MPP7: variants seen among roughly 807,000 people sequenced by gnomAD.
The protein encoded by MPP7 is MAGUK p55 subfamily member 7.
Under a neutral mutation model 76.5 loss-of-function variants are expected in MPP7, and 60 were observed. The observed-to-expected ratio is 0.78, with a 90% CI of 0.64 to 0.97. The LOEUF is 0.97. MPP7 is among the 50% of genes least tolerant of loss of function. The pLI is 0.00. For missense variants in MPP7, 641 were observed against 694.0 expected (o/e 0.92, Z 0.86); for synonymous variants, 237 against 244.5 (o/e 0.97, Z 0.29).
At chr10:28,280,191 G>C (rs904347498) in intron 1 of MPP7, 8 of 152,134 alleles carry the variant, frequency 5.3e-5, no homozygotes, top group African/African-American at 1.9e-4. Context: ...CTCTAGATTT[G>C]TTTTAGGAAC....
chr10:28,210,820 T>A (rs938750975), intron 2 of MPP7, among the ~76,000 whole-genome samples: 2 of 152,220 alleles, frequency 1.3e-5, no homozygotes, highest in Non-Finnish European at 2.9e-5. Context: ...AATACCTCAC[T>A]CTGTGAGCCG....
chr10:28,309,493 C>G (rs1221775764), intron 2 of MPP7, among the ~76,000 whole-genome samples: 1 of 152,098 alleles, frequency 6.6e-6, no homozygotes, highest in Admixed American at 6.5e-5. Context: ...ATTCCTTCTC[C>G]CAGTTCCTAC....
At chr10:28,165,947 C>T (rs1736826916) in intron 3 of MPP7, among the ~76,000 whole-genome samples, 1 of 151,250 alleles carries the variant, frequency 6.6e-6, no homozygotes, top group Admixed American at 6.6e-5. Context: ...ATCGCTTGAA[C>T]TCCAGAGGCA....
intron 1 of MPP7, among the ~76,000 whole-genome samples, chr10:28,265,729 T>C (rs1055512219): frequency 1.3e-5 from 2 of 152,196 alleles, no homozygotes; most frequent in Non-Finnish European, 2.9e-5. Flanking sequence ...TTTTTTAACT[T>C]TATCGAGTTA....
chr10:28,272,242 CAA>C (rs1295853265), intron 1 of MPP7, among the ~76,000 whole-genome samples: 2 of 152,108 alleles, frequency 1.3e-5, no homozygotes, highest in African/African-American at 4.8e-5. Context: ...TGACTTAGAT[CAA>C]AGTTTCTTCC....
intron 1 of MPP7, among the ~76,000 whole-genome samples, chr10:28,277,002 G>C (rs1048371249): frequency 1.1e-4 from 16 of 151,860 alleles, no homozygotes; most frequent in Non-Finnish European, 1.8e-4. Context: ...AGACCAGCTT[G>C]GACAACATAG....
intron 5 of MPP7, among the ~76,000 whole-genome samples, chr10:28,140,207 A>G (rs1835470201): frequency 6.6e-6 from 1 of 152,200 alleles, no homozygotes; most frequent in African/African-American, 2.4e-5. Context: ...CTAATCAAAG[A>G]TAGATATAAA....
At chr10:28,235,335 G>A (rs76857116) in intron 2 of MPP7, among the ~76,000 whole-genome samples, 3,146 of 129,824 alleles carry the variant, frequency 0.024, 116 homozygotes, top group African/African-American at 0.074. Flanking sequence ...CTAATAACAG[G>A]GGAAACTAAG....
chr10:28,157,378 G>A (rs1836102175), intron 3 of MPP7, among the ~76,000 whole-genome samples: 1 of 152,184 alleles, frequency 6.6e-6, no homozygotes, highest in South Asian at 2.1e-4. Flanking sequence ...AATTAATAAG[G>A]AAGCTCACAT....
intron 8 of MPP7, 115 bp downstream of exon 8, chr10:28,123,916 C>A: frequency 1.4e-6 from 1 of 690,530 alleles, no homozygotes. Context: ...ATTAAGTGTT[C>A]GAACCCTGCA....
chr10:28,331,100 T>C (rs1834466397), intron 1 of MPP7, among the ~76,000 whole-genome samples: 1 of 152,256 alleles, frequency 6.6e-6, no homozygotes, highest in Non-Finnish European at 1.5e-5. Context: ...GAGTCATATC[T>C]ACTTTGTTCA....
At chr10:28,168,462 T>A (rs979843513) in intron 3 of MPP7, among the ~76,000 whole-genome samples, 2 of 152,170 alleles carry the variant, frequency 1.3e-5, no homozygotes, top group Middle Eastern at 6.3e-3. Context: ...AGCTTTAATG[T>A]GGTAAAATTT....
chr10:28,095,033 T>C (rs1027281542), intron 11 of MPP7, among the ~76,000 whole-genome samples: 3 of 152,032 alleles, frequency 2.0e-5, no homozygotes, highest in Non-Finnish European at 2.9e-5. Flanking sequence ...TTTGTCTTCA[T>C]AGATTCTCTT....
chr10:28,242,723 A>G (rs1839310405), intron 1 of MPP7, among the ~76,000 whole-genome samples: 1 of 152,234 alleles, frequency 6.6e-6, no homozygotes, highest in African/African-American at 2.4e-5. Flanking sequence ...CAATGGTCAC[A>G]GTTGGTAAAA....
At chr10:28,279,571 G>A (rs758695533) in intron 1 of MPP7, among the ~76,000 whole-genome samples, 9 of 151,868 alleles carry the variant, frequency 5.9e-5, no homozygotes, top group Admixed American at 6.6e-5. Flanking sequence ...TGGGCATGGT[G>A]GCACATGCCT....
intron 2 of MPP7, among the ~76,000 whole-genome samples, chr10:28,320,042 A>C (rs1333628373): frequency 6.6e-6 from 1 of 152,178 alleles, no homozygotes; most frequent in African/African-American, 2.4e-5. Context: ...GCTCTATTGA[A>C]GTTCCCAAGG....
At chr10:28,316,474 T>C (rs909688748) in intron 2 of MPP7, among the ~76,000 whole-genome samples, 2 of 72,452 alleles carry the variant, frequency 2.8e-5, no homozygotes, top group African/African-American at 5.2e-5. Flanking sequence ...AAAAAAAAAC[T>C]ATCTGAGAAA....
intron 2 of MPP7, among the ~76,000 whole-genome samples, chr10:28,210,416 T>G (rs1057328033): frequency 1.3e-5 from 2 of 152,232 alleles, no homozygotes; most frequent in Admixed American, 1.3e-4. Flanking sequence ...TTTTGTTTAT[T>G]TGGAGAACCC....
At chr10:28,134,499 G>A (rs1052231456) in intron 5 of MPP7, among the ~76,000 whole-genome samples, 6 of 152,036 alleles carry the variant, frequency 3.9e-5, no homozygotes, top group Non-Finnish European at 7.4e-5. Flanking sequence ...CTCAATAAAG[G>A]ATTCTAATTT....
Sources: allele counts gnomAD v4.1 joint callset (sites outside exome capture counted in the v4.1 genomes callset), GRCh38; gene constraint gnomAD v4.1.1; transcripts MANE v1.5; gene names NCBI Gene and HGNC (gene_info 2026-07-23, HGNC 2026-07-21).